IQSEC1: variants seen among roughly 807,000 people sequenced by gnomAD.
The protein encoded by IQSEC1 is IQ motif and SEC7 domain-containing protein 1.
A neutral mutation model predicts 91.0 loss-of-function variants in IQSEC1; 31 were observed. The observed-to-expected ratio is 0.34, with a 90% CI of 0.26 to 0.46. IQSEC1 has a LOEUF of 0.46. Ranked by LOEUF, IQSEC1 falls within the 20% of genes least tolerant of loss-of-function variation. The pLI, the probability that IQSEC1 is intolerant of heterozygous loss-of-function variation, is 1.00. For missense variants in IQSEC1, 1,388 were observed against 1,575.6 expected (o/e 0.88, Z 2.02); for synonymous variants, 699 against 662.6 (o/e 1.05, Z -0.84).
At chr3:13,187,014 A>G (rs568669100) in intron 1 of IQSEC1, among the ~76,000 whole-genome samples, 5 of 149,868 alleles carry the variant, frequency 3.3e-5, no homozygotes, top group African/African-American at 7.4e-5. Flanking sequence ...CCTTCTTCGT[A>G]CTTTCAGTCC....
rs994162550 is a variant in IQSEC1, at chr3:12,922,229, C to T, written c.1744G>A (p.Glu582Lys). ...NRDVLDCVVD[E>K]MDFSTMELDE... ...AGCTCCATGGTAGAGAAGTCCATCT[C>T]GTCCACGACGCAGCTGGAATAGAGA... is the stretch of plus-strand genomic sequence containing the variant. The change falls in exon 5 of 14, where the codon GAG becomes AAG. Residue 582 changes from glutamate to lysine, a missense_variant. Physicochemically the swap from Glu to Lys is moderately conservative, Grantham distance 56 (BLOSUM62 1). This residue lies in a region of IQSEC1 where 1,059 missense variants were observed against 1,317.8 expected (regional missense o/e 0.80). Transcript: ENST00000613206. The surrounding 1 kb of genome is among the most constrained non-coding windows in gnomAD (Gnocchi z 5.1). The T allele has an allele frequency of 8.2e-6, 13 of 1,592,976 alleles. No homozygotes were observed. Among genetic ancestry groups the T allele is most frequent in the South Asian group, 1.1e-5 (1 of 90,020 alleles).
chr3:13,250,584 C>T (rs941252619), intron 1 of IQSEC1, among the ~76,000 whole-genome samples: 3 of 151,030 alleles, frequency 2.0e-5, no homozygotes, highest in African/African-American at 7.3e-5. Context: ...CAGGCGCCCG[C>T]CTCCACCTCA....
At chr3:13,146,877 C>T (rs1318718671) in intron 2 of IQSEC1, among the ~76,000 whole-genome samples, 2 of 152,120 alleles carry the variant, frequency 1.3e-5, no homozygotes, top group Non-Finnish European at 2.9e-5. Flanking sequence ...AATCCTGCTC[C>T]GGGCTGCATA....
rs1553567577 is a variant in IQSEC1 at position 13,129,655 on chromosome 3, A to ATTTTTC, written c.302+34448_302+34449insGAAAAA. Among the ~76,000 whole-genome samples, 18 of 118,344 alleles carry ATTTTTC rather than the reference A, an allele frequency of 1.5e-4. 1 individual carries two copies. The highest frequency in any genetic ancestry group is 6.1e-4 in the African/African-American group (18 of 29,628). 77.6% of individuals were successfully genotyped at this position (118,344 alleles called of 152,430 possible). A position where few individuals can be genotyped will look rare whatever the true frequency, so the allele number is the denominator to read the frequency against. On this transcript the variant is annotated intron_variant, in intron 2 of 15. Coordinates refer to the IQSEC1 transcript ENST00000648114. ...GTACTGCTTTAGTAACATCTTATGA[A>ATTTTTC]TTTTTTTTTTTTTTTTTTTTGAGAC...
intron 1 of IQSEC1, among the ~76,000 whole-genome samples, chr3:13,271,022 C>T (rs1453140224): frequency 6.6e-6 from 1 of 152,156 alleles, no homozygotes; most frequent in Non-Finnish European, 1.5e-5. Flanking sequence ...TTAAGATATA[C>T]ATTGTTACTA....
chr3:13,138,990 C>T (rs1212781550), intron 2 of IQSEC1, among the ~76,000 whole-genome samples: 5 of 152,130 alleles, frequency 3.3e-5, no homozygotes, highest in African/African-American at 1.2e-4. Context: ...TCTGCCCCCA[C>T]AGTTCCGGGA....
Position 13,167,311 on chromosome 3 carries a change from G to A in IQSEC1, c.273-3178C>T, listed in dbSNP as rs373045493. On this transcript the variant is annotated intron_variant, in intron 1 of 15. Transcript: ENST00000648114. ...GAGAGAAGGGCTAGGGAGGTGAGAAGAGAAAGAGAAGGGGGCTAACAATGG... is the reference window on the plus strand; with the variant it reads ...GAGAGAAGGGCTAGGGAGGTGAGAAAAGAAAGAGAAGGGGGCTAACAATGG... Among the ~76,000 whole-genome samples the A allele has an allele frequency of 1.2e-4, 18 of 152,298 alleles. No individual in the cohort carries two copies. The East Asian group carries it at 2.9e-3, about 24-fold the overall frequency.
Position 12,967,600 on chromosome 3 carries a change from C to T in IQSEC1, c.24-25735G>A. On this transcript the variant is annotated intron_variant, in intron 1 of 13. Transcript: ENST00000613206. This position sits in a 1 kb window ranked among gnomAD's most constrained non-coding sequence, Gnocchi z 5.9. Reference sequence around the variant, plus strand: ...CCCGCCACGCGATCACGTCGGGGCTCCTGGTCCAGCGTCCGCCGGCTCCCG... The same window carrying T: ...CCCGCCACGCGATCACGTCGGGGCTTCTGGTCCAGCGTCCGCCGGCTCCCG... 1 of 1,265,086 alleles carries T rather than the reference C, an allele frequency of 7.9e-7. No homozygotes were observed. 78.4% of individuals were successfully genotyped at this position (1,265,086 alleles called of 1,614,324 possible). A position where few individuals can be genotyped will look rare whatever the true frequency, so the allele number is the denominator to read the frequency against.
At chr3:13,241,236 G>A (rs763217062) in intron 1 of IQSEC1, among the ~76,000 whole-genome samples, 1 of 152,202 alleles carries the variant, frequency 6.6e-6, no homozygotes, top group Admixed American at 6.5e-5. Flanking sequence ...GGAAAATGCT[G>A]AATTCCGGGA....
At chr3:13,073,432 A>C (rs1705501331), upstream of IQSEC1, among the ~76,000 whole-genome samples, 1 of 152,000 alleles carries the variant, frequency 6.6e-6, no homozygotes, top group Non-Finnish European at 1.5e-5. Context: ...CAGCATCCGG[A>C]GAAGGGGCGG....
intron 1 of IQSEC1, among the ~76,000 whole-genome samples, chr3:13,165,535 G>GGTGTGTGTGTGTGTGTGTGTGT (rs1470204790): frequency 1.1e-5 from 1 of 88,994 alleles, no homozygotes; most frequent in Non-Finnish European, 2.1e-5. Context: ...GTGGGGGGGT[G>GGTGTGTGTGTGTGTGTGTGTGT]GCGTGTGTGT....
chr3:12,927,773 G>A (rs1164624847), intron 3 of IQSEC1, among the ~76,000 whole-genome samples: 4 of 152,266 alleles, frequency 2.6e-5, no homozygotes, highest in African/African-American at 7.2e-5. Context: ...CCCTGCGGGT[G>A]CAGCTGAGAG....
intron 2 of IQSEC1, among the ~76,000 whole-genome samples, chr3:13,136,679 G>A (rs546102594): frequency 2.0e-5 from 3 of 152,332 alleles, no homozygotes; most frequent in South Asian, 2.1e-4. Flanking sequence ...GCCACCTCCC[G>A]AGGCAGCAGA....
At chr3:13,037,240 C>T (rs1378103568) in intron 1 of IQSEC1, among the ~76,000 whole-genome samples, 1 of 152,160 alleles carries the variant, frequency 6.6e-6, no homozygotes, top group Non-Finnish European at 1.5e-5. Flanking sequence ...CTTTGGAAAG[C>T]AAGTTCACTA....
intron 1 of IQSEC1, among the ~76,000 whole-genome samples, chr3:13,209,287 C>T (rs558902431): frequency 1.3e-5 from 2 of 152,356 alleles, no homozygotes; most frequent in East Asian, 3.9e-4. Flanking sequence ...AGTCCAGTTG[C>T]ACTTGCTTGC....
At chr3:13,217,406 A>G (rs1694571148) in intron 1 of IQSEC1, among the ~76,000 whole-genome samples, 1 of 152,218 alleles carries the variant, frequency 6.6e-6, no homozygotes. Context: ...AGGTTTATCC[A>G]TGACATAGGG....
At position 12,899,392 on chromosome 3, in the gene IQSEC1, A is replaced by C; in HGVS notation, c.*1591T>G. 1 of 1,612,770 alleles carries C rather than the reference A, an allele frequency of 6.2e-7. No homozygotes were observed. On this transcript the variant is annotated 3_prime_UTR_variant, in exon 14 of 14. Transcript: ENST00000613206. ...GGGCAGTCCTCGGGTCCCATGGCTTAGGAGCACAGCACTGACGGCTGCAGT... is the reference window on the plus strand; with the variant it reads ...GGGCAGTCCTCGGGTCCCATGGCTTCGGAGCACAGCACTGACGGCTGCAGT...
At chr3:13,044,706 G>A (rs2125048932) in intron 1 of IQSEC1, among the ~76,000 whole-genome samples, 1 of 152,342 alleles carries the variant, frequency 6.6e-6, no homozygotes, top group South Asian at 2.1e-4. Flanking sequence ...CACACTCCTG[G>A]AGAAGGACAT....
In IQSEC1 at chr3:12,926,386, T is replaced by C. The variant is rs373934663; in HGVS notation, c.1569-1644A>G. Among the ~76,000 whole-genome samples the C allele has an allele frequency of 1.8e-4, 28 of 151,706 alleles. No homozygotes were observed. The Middle Eastern group carries it at 0.01, about 57-fold the overall frequency. ...GATGGCCACATGTGACCCTGAAGGA[T>C]GGGTGTCCTCTCTGGAGTTTGCCAG... On this transcript the variant is annotated intron_variant, in intron 3 of 13. Transcript: ENST00000613206.
Sources: allele counts gnomAD v4.1 joint callset (sites outside exome capture counted in the v4.1 genomes callset), GRCh38; gene constraint gnomAD v4.1.1; regional missense constraint gnomAD v4.1.1; non-coding constraint Gnocchi (gnomAD v3.1); transcripts MANE v1.5; gene names NCBI Gene and HGNC (gene_info 2026-07-23, HGNC 2026-07-21).